The following TMEM266 variants were observed in gnomAD, a reference collection of about 807,000 sequenced individuals.
TMEM266 encodes Hv1 related protein 1.
In TMEM266, 33 loss-of-function variants were observed where a neutral mutation model predicts 50.5. The ratio of observed to expected loss-of-function variants is 0.65; its 90% confidence interval spans 0.50 to 0.87. TMEM266 has a LOEUF of 0.87. Ranked by LOEUF, TMEM266 falls within the 40% of genes least tolerant of loss-of-function variation. TMEM266 has a pLI of 0.00. For missense variants in TMEM266, 655 were observed against 695.1 expected (o/e 0.94, Z 0.65); for synonymous variants, 310 against 292.3 (o/e 1.06, Z -0.62).
chr15:76,198,205 C>A (rs1049013385), intron 9 of TMEM266, among the ~76,000 whole-genome samples: 4 of 152,128 alleles, frequency 2.6e-5, no homozygotes, highest in African/African-American at 9.7e-5. Context: ...AGGGATCTAC[C>A]TAAGGCCACA....
chr15:76,192,028 C>G lies in TMEM266; in HGVS notation c.829C>G (p.Arg277Gly). ...GCAGGACCTGGACCTGGCTGCCGAG[C>G]GCGAAGCGGCGCTCCAGGCCCCGCA... The change falls in exon 9 of 11, where the codon CGC becomes GGC. Residue 277 changes from arginine (R) to glycine (G), a missense_variant. Coordinates refer to ENST00000388942, the MANE Select transcript of TMEM266 (RefSeq NM_152335.3). 1.1e-5 allele frequency: 17 copies of G among 1,567,100 alleles called. No individual in the cohort carries two copies. Among genetic ancestry groups the G allele is most frequent in the Non-Finnish European group, 1.5e-5 (17 of 1,162,524 alleles).
At chr15:76,200,953 G>A (rs1341072409) in intron 9 of TMEM266, among the ~76,000 whole-genome samples, 2 of 152,186 alleles carry the variant, frequency 1.3e-5, no homozygotes, top group Non-Finnish European at 2.9e-5. Flanking sequence ...CCAGGGTCAG[G>A]GCAGACTGGC....
intron 6 of TMEM266, 111 bp downstream of exon 6, chr15:76,169,983 T>G: frequency 5.4e-6 from 6 of 1,117,192 alleles, no homozygotes; most frequent in East Asian, 2.6e-5. Context: ...TGGTTCCTTC[T>G]CCCACTTGAC....
At chr15:76,125,317 A>G (rs1314248260) in intron 1 of TMEM266, among the ~76,000 whole-genome samples, 2 of 152,164 alleles carry the variant, frequency 1.3e-5, no homozygotes, top group Non-Finnish European at 2.9e-5. Flanking sequence ...GTTTCTGCAC[A>G]TCAAAGGAAA....
At chr15:76,190,469 G>A (rs2038551211) in intron 8 of TMEM266, among the ~76,000 whole-genome samples, 1 of 152,122 alleles carries the variant, frequency 6.6e-6, no homozygotes, top group South Asian at 2.1e-4. Context: ...CTGGGTGTGG[G>A]AGAGTCCCCC....
At chr15:76,181,099 T>C (rs1163712100) in intron 8 of TMEM266, 1 of 152,136 alleles carries the variant, frequency 6.6e-6, no homozygotes, top group Non-Finnish European at 1.5e-5. Context: ...ATATAACAGA[T>C]GAAAGGTCCC....
chr15:76,180,134 T>A (rs550859770), intron 8 of TMEM266, among the ~76,000 whole-genome samples: 11 of 152,334 alleles, frequency 7.2e-5, no homozygotes, highest in Admixed American at 7.2e-4. Flanking sequence ...GGTGCAGAGT[T>A]CCCTGTATCC....
At chr15:76,094,178 G>T (rs1051590716) in intron 1 of TMEM266, among the ~76,000 whole-genome samples, 1 of 152,090 alleles carries the variant, frequency 6.6e-6, no homozygotes, top group Non-Finnish European at 1.5e-5. Flanking sequence ...TTTTAGACAT[G>T]AAGCCTTTGC....
chr15:76,109,711 CTTTT>C (rs778661170), intron 1 of TMEM266, among the ~76,000 whole-genome samples: 1 of 138,186 alleles, frequency 7.2e-6, no homozygotes. Flanking sequence ...TCTTTCTTTT[CTTTT>C]TTTTTTTTTT....
chr15:76,195,123 T>C lies in TMEM266; in HGVS notation c.958+2966T>C, dbSNP rs149417198. 3.2e-4 allele frequency among the ~76,000 whole-genome samples: 49 copies of C among 152,274 alleles called. No individual in the cohort carries two copies. The East Asian group carries it at 5.4e-3, about 17-fold the overall frequency. On this transcript the variant is annotated intron_variant, in intron 9 of 10. Coordinates refer to ENST00000388942, the MANE Select transcript of TMEM266 (RefSeq NM_152335.3). ...AACCTGCCTACCAGACTTCTCTTCA[T>C]GCTTAGAACCCATCTTAGAGTAAGC...
At chr15:76,129,448 C>T (rs2037471655) in intron 1 of TMEM266, among the ~76,000 whole-genome samples, 1 of 151,972 alleles carries the variant, frequency 6.6e-6, no homozygotes, top group Non-Finnish European at 1.5e-5. Flanking sequence ...TCGAGACTAG[C>T]CTGGCCAACA....
At position 76,160,492 on chromosome 15, in the gene TMEM266, G is replaced by A. The variant is rs995243133; in HGVS notation, c.456+324G>A. Among the ~76,000 whole-genome samples the A allele has an allele frequency of 1.3e-5, 2 of 152,220 alleles. No homozygotes were observed. The highest frequency in any genetic ancestry group is 4.8e-5 in the African/African-American group (2 of 41,464). On this transcript the variant is annotated intron_variant, in intron 5 of 10. Transcript: ENST00000388942. This position sits in a 1 kb window ranked among gnomAD's most constrained non-coding sequence, Gnocchi z 5.7. ...CGTCGAGGGGCAGCCAGTGTTGGGTGCAGCCAGTAAGGAGCGGGCGGGAGG... is the reference window on the plus strand; with the variant it reads ...CGTCGAGGGGCAGCCAGTGTTGGGTACAGCCAGTAAGGAGCGGGCGGGAGG...
intron 3 of TMEM266, among the ~76,000 whole-genome samples, chr15:76,140,618 C>T (rs1304529346): frequency 6.6e-6 from 1 of 152,160 alleles, no homozygotes; most frequent in South Asian, 2.1e-4. Flanking sequence ...TATTTCAGGG[C>T]TTTTCAATTT....
At chr15:76,105,260 GAA>G (rs369480995) in intron 1 of TMEM266, among the ~76,000 whole-genome samples, 2 of 151,202 alleles carry the variant, frequency 1.3e-5, no homozygotes, top group Admixed American at 1.3e-4. Context: ...AAAAAGTAAA[GAA>G]AAAAAAAGTT....
At chr15:76,203,305 C>T (rs1444530458) in intron 10 of TMEM266, among the ~76,000 whole-genome samples, 4 of 152,266 alleles carry the variant, frequency 2.6e-5, no homozygotes, top group South Asian at 2.1e-4. Context: ...CCCTGCATCT[C>T]GATGGTTTAA....
At position 76,161,466 on chromosome 15, in the gene TMEM266, T is replaced by G. The variant is rs1389123990; in HGVS notation, c.456+1298T>G. Among the ~76,000 whole-genome samples the G allele has an allele frequency of 5.3e-5, 8 of 151,784 alleles. No homozygotes were observed. Among genetic ancestry groups the G allele is most frequent in the Admixed American group, 5.2e-4 (8 of 15,250 alleles). Reference sequence around the variant, plus strand: ...TCTGGCCTAGCTAATGGCTCTGCTCTCTCTCTCTCTCTCTCCCTAAAAATC... The same window carrying G: ...TCTGGCCTAGCTAATGGCTCTGCTCGCTCTCTCTCTCTCTCCCTAAAAATC... On this transcript the variant is annotated intron_variant, in intron 5 of 10. Transcript: ENST00000388942. The surrounding 1 kb of genome is among the most constrained non-coding windows in gnomAD (Gnocchi z 4.1).
chr15:76,110,177 G>A (rs1363275982), intron 1 of TMEM266, among the ~76,000 whole-genome samples: 3 of 149,258 alleles, frequency 2.0e-5, no homozygotes, highest in South Asian at 2.1e-4. Flanking sequence ...TTTTTTTTTT[G>A]TATCTTTAGT....
chr15:76,103,376 C>T (rs1449651742), intron 1 of TMEM266, among the ~76,000 whole-genome samples: 4 of 151,324 alleles, frequency 2.6e-5, no homozygotes, highest in African/African-American at 9.7e-5. Context: ...TGGTGTGTGC[C>T]TGTATCCCAG....
chr15:76,083,732 G>A (rs1455929008), intron 1 of TMEM266, among the ~76,000 whole-genome samples: 1 of 151,936 alleles, frequency 6.6e-6, no homozygotes, highest in Non-Finnish European at 1.5e-5. Context: ...CTGCCCTACC[G>A]TAAGCCTCAT....
Sources: gnomAD v4.1 joint callset for allele counts (sites outside exome capture counted in the v4.1 genomes callset) on GRCh38, gnomAD v4.1.1 for gene constraint, Gnocchi (gnomAD v3.1) non-coding constraint, MANE v1.5 for transcripts, NCBI Gene and HGNC (gene_info 2026-07-23, HGNC 2026-07-21) for gene names.